PLCG2: variants seen among roughly 807,000 people sequenced by gnomAD.
The protein encoded by PLCG2 is phospholipase C gamma 2.
In PLCG2, 69 loss-of-function variants were observed where a neutral mutation model predicts 175.6. The ratio of observed to expected loss-of-function variants is 0.39; its 90% CI spans 0.32 to 0.48. PLCG2 has a LOEUF of 0.48. Among genes scored for constraint, PLCG2 ranks in the 20% least tolerant of loss-of-function variants. The pLI is 0.91. For synonymous variants in PLCG2, 827 were observed against 624.0 expected (o/e 1.33, Z -4.85); for missense variants, 1,798 against 1,650.9 (o/e 1.09, Z -1.54).
intron 17 of PLCG2, 50 bp downstream of exon 17, chr16:81,908,641 A>G (rs1331979591): frequency 1.3e-6 from 2 of 1,510,962 alleles, no homozygotes; most frequent in East Asian, 4.6e-5. Context: ...ATGCCAACCG[A>G]TGAGGCAGGG....
chr16:81,867,389 T>C (rs1907295190), intron 5 of PLCG2, among the ~76,000 whole-genome samples: 1 of 152,210 alleles, frequency 6.6e-6, no homozygotes, highest in Admixed American at 6.5e-5. Flanking sequence ...CTCCTTCTTG[T>C]GTGAGCTACT....
chr16:81,935,252 C>T (rs910421720), intron 26 of PLCG2, among the ~76,000 whole-genome samples: 16 of 150,990 alleles, frequency 1.1e-4, no homozygotes, highest in Admixed American at 3.3e-4. Context: ...TTGGCCTTCT[C>T]CTCTTCTGCT....
Position 81,937,855 on chromosome 16 carries a change from G to C in PLCG2, c.3150G>C (p.Pro1050=). Residue 1050 remains proline (P), a synonymous_variant, in exon 28 of 33, where the codon CCG becomes CCC. Coordinates refer to ENST00000564138, the MANE Select transcript of PLCG2 (RefSeq NM_002661.5). ...PESMRTEKYD[P]MPPESQRKIL... ...GCATGAGGACAGAGAAATATGACCC[G>C]ATGCCACCCGAGTCCCAGAGGAAGA... 2 of 1,614,042 alleles carry C rather than the reference G, an allele frequency of 1.2e-6. No individual in the cohort carries two copies. Among genetic ancestry groups the C allele is most frequent in the Non-Finnish European group, 8.5e-7 (1 of 1,179,966 alleles).
At chr16:81,895,961 A>C (rs1251218141) in intron 13 of PLCG2, 34 bp downstream of exon 13, 3 of 1,613,484 alleles carry the variant, frequency 1.9e-6, no homozygotes, top group South Asian at 1.1e-5. Flanking sequence ...GTGTGACTTA[A>C]AGGGGAAGGC....
intron 2 of PLCG2, among the ~76,000 whole-genome samples, chr16:81,828,230 A>G (rs1019120830): frequency 1.4e-5 from 2 of 145,620 alleles, no homozygotes; most frequent in Non-Finnish European, 1.5e-5. Context: ...CTGTTGAGAA[A>G]TGTCATTTTT....
At chr16:81,837,762 C>T (rs1200082532) in intron 2 of PLCG2, among the ~76,000 whole-genome samples, 1 of 146,352 alleles carries the variant, frequency 6.8e-6, no homozygotes, top group African/African-American at 2.5e-5. Context: ...TGAAGAATCA[C>T]ATAAAGATGT....
At chr16:81,810,474 C>G (rs1477279913) in intron 2 of PLCG2, among the ~76,000 whole-genome samples, 2 of 152,216 alleles carry the variant, frequency 1.3e-5, no homozygotes, top group Non-Finnish European at 2.9e-5. Context: ...TCTGGCCCTT[C>G]TGTGGTCATT....
chr16:81,783,403 C>T (rs1182836325), intron 1 of PLCG2, among the ~76,000 whole-genome samples: 1 of 152,144 alleles, frequency 6.6e-6, no homozygotes, highest in Non-Finnish European at 1.5e-5. Context: ...TGTGCTGCAC[C>T]CATTAACTCG....
At chr16:81,807,430 A>AT (rs1234537355) in intron 2 of PLCG2, among the ~76,000 whole-genome samples, 1 of 152,040 alleles carries the variant, frequency 6.6e-6, no homozygotes, top group African/African-American at 2.4e-5. Flanking sequence ...AGGCTGAAGC[A>AT]TTTTTTCAGC....
chr16:81,857,726 A>G (rs957708696), intron 3 of PLCG2, among the ~76,000 whole-genome samples: 3 of 152,098 alleles, frequency 2.0e-5, no homozygotes, highest in Admixed American at 6.6e-5. Flanking sequence ...CAAAGGCCCT[A>G]CCTCAGGGGT....
chr16:81,948,807 G>C (rs1160277728), intron 31 of PLCG2, among the ~76,000 whole-genome samples: 1 of 152,194 alleles, frequency 6.6e-6, no homozygotes, highest in East Asian at 1.9e-4. Flanking sequence ...ACCCAAGAGT[G>C]TGACATGACT....
chr16:81,772,649 A>C (rs1283552312), intron 2 of PLCG2, among the ~76,000 whole-genome samples: 4 of 90,232 alleles, frequency 4.4e-5, no homozygotes, highest in Non-Finnish European at 1.1e-4. Context: ...GTTTCTACTA[A>C]AAATACAAAA....
In PLCG2 at chr16:81,922,218, C is replaced by T. The variant is rs943899466; in HGVS notation, c.2307+949C>T. ...CCTGTGGCAGAGCTCCTAGAACCCA[C>T]ATTGCTTCTTATGAAACATCATGCA... On this transcript the variant is annotated intron_variant, in intron 21 of 32. Coordinates refer to ENST00000564138, the MANE Select transcript of PLCG2 (RefSeq NM_002661.5). 2.0e-5 allele frequency among the ~76,000 whole-genome samples: 3 copies of T among 152,236 alleles called. No homozygotes were observed. The East Asian group carries it at 5.8e-4, about 29-fold the overall frequency.
At chr16:81,810,653 T>G (rs2143291612) in intron 2 of PLCG2, among the ~76,000 whole-genome samples, 1 of 152,194 alleles carries the variant, frequency 6.6e-6, no homozygotes, top group South Asian at 2.1e-4. Context: ...TCTTTTTATT[T>G]TTTGCTGGTG....
intron 2 of PLCG2, among the ~76,000 whole-genome samples, chr16:81,796,561 G>T (rs1451157450): frequency 6.6e-6 from 1 of 152,216 alleles, no homozygotes; most frequent in Non-Finnish European, 1.5e-5. Flanking sequence ...ATATGTCAAG[G>T]TCCTAATCCC....
At chr16:81,850,790 C>G (rs1597354120) in intron 2 of PLCG2, among the ~76,000 whole-genome samples, 1 of 152,198 alleles carries the variant, frequency 6.6e-6, no homozygotes, top group Non-Finnish European at 1.5e-5. Context: ...TAAATCCCCA[C>G]CCCTAGGCAT....
chr16:81,776,083 C>CGTTCTTTCTTTCTTTCTT (rs1413572575), upstream of PLCG2, among the ~76,000 whole-genome samples: 29 of 81,952 alleles, frequency 3.5e-4, no homozygotes, highest in East Asian at 1.2e-3. Context: ...TTCTCTCTCT[C>CGTTCTTTCTTTCTTTCTT]TCTCTCTTTC....
chr16:81,821,255 G>C lies in PLCG2; in HGVS notation c.194-33189G>C, dbSNP rs75693543. On this transcript the variant is annotated intron_variant, in intron 2 of 32. Transcript: ENST00000564138. ...CAGTGAGTTAACATGTGAGTGATTA[G>C]AATAATGCCTGGCACATAGCAGATG... Among the ~76,000 whole-genome samples the C allele has an allele frequency of 3.5e-3, 532 of 152,340 alleles. 3 individuals are homozygous for C. Among genetic ancestry groups the C allele is most frequent in the African/African-American group, 0.012 (498 of 41,580 alleles).
At chr16:81,954,304 G>C (rs576267134) in intron 31 of PLCG2, among the ~76,000 whole-genome samples, 48 of 152,216 alleles carry the variant, frequency 3.2e-4, no homozygotes, top group Non-Finnish European at 6.0e-4. Context: ...TTACATGCCT[G>C]AGGCACTGCG....
Sources: gnomAD v4.1 joint callset for allele counts (sites outside exome capture counted in the v4.1 genomes callset) on GRCh38, gnomAD v4.1.1 for gene constraint, MANE v1.5 for transcripts, NCBI Gene and HGNC (gene_info 2026-07-23, HGNC 2026-07-21) for gene names.